TNNI3K: variants seen among roughly 807,000 people sequenced by gnomAD.
The protein encoded by TNNI3K is TNNI3 interacting kinase, also known as serine/threonine-protein kinase TNNI3K.
Under a neutral mutation model 114.5 loss-of-function variants are expected in TNNI3K, and 140 were observed. The observed-to-expected ratio is 1.22, with a 90% CI of 1.07 to 1.41. TNNI3K has a LOEUF of 1.41. Ranked by LOEUF, TNNI3K falls within the 40% of genes most tolerant of loss-of-function variation. The pLI, the probability that TNNI3K is intolerant of heterozygous loss-of-function variation, is 0.00. For synonymous variants in TNNI3K, 347 were observed against 347.5 expected, an observed-to-expected ratio of 1.00 and a Z score of 0.02; for missense variants, 1,125 against 1,007.6, an observed-to-expected ratio of 1.12 and a Z score of -1.58.
chr1:74,333,670 G>T (rs1195826311), intron 6 of TNNI3K, among the ~76,000 whole-genome samples: 1 of 152,184 alleles, frequency 6.6e-6, no homozygotes, highest in African/African-American at 2.4e-5. Flanking sequence ...AAAATATGCT[G>T]ACAAGGAGAA....
chr1:74,338,197 A>T (rs985230176), intron 7 of TNNI3K, among the ~76,000 whole-genome samples: 4 of 151,994 alleles, frequency 2.6e-5, no homozygotes, highest in African/African-American at 9.7e-5. Flanking sequence ...TGAGAATTTC[A>T]GTTGCTTCCC....
intron 5 of TNNI3K, among the ~76,000 whole-genome samples, chr1:74,285,737 T>C (rs190800715): frequency 3.0e-4 from 45 of 152,184 alleles, no homozygotes; most frequent in Non-Finnish European, 5.4e-4. Flanking sequence ...TATTCAAGTG[T>C]TTTAGGAATT....
intron 11 of TNNI3K, among the ~76,000 whole-genome samples, chr1:74,354,887 T>G (rs1215936729): frequency 2.0e-5 from 3 of 152,190 alleles, no homozygotes; most frequent in Non-Finnish European, 4.4e-5. Flanking sequence ...TACTAGTAGC[T>G]CAGAAATAAA....
intron 17 of TNNI3K, among the ~76,000 whole-genome samples, chr1:74,431,675 A>G (rs1665905567): frequency 6.6e-6 from 1 of 152,114 alleles, no homozygotes; most frequent in Non-Finnish European, 1.5e-5. Context: ...AGATCTCCAG[A>G]TTAGTAAATG....
chr1:74,370,319 G>T lies in TNNI3K; in HGVS notation c.1699G>T (p.Ala567Ser), dbSNP rs1426606034. 1.2e-6 allele frequency: 2 copies of T among 1,601,730 alleles called. No homozygotes were observed. The highest frequency in any genetic ancestry group is 2.3e-5 in the East Asian group (1 of 44,378). ...ILDLQSKLIIAVDVAKGMEYL... is the reference protein window; with the variant it reads ...ILDLQSKLIISVDVAKGMEYL... ...TGATTTGCAGTCTAAATTAATTATTGCAGTAGATGTTGCCAAAGGCATGGA... is the reference window on the plus strand; with the variant it reads ...TGATTTGCAGTCTAAATTAATTATTTCAGTAGATGTTGCCAAAGGCATGGA... The change falls in exon 17 of 25, where the codon GCA becomes TCA. Residue 567 changes from alanine to serine, a missense_variant. By Grantham distance (99) the Ala-to-Ser change is moderately conservative. Transcript: ENST00000326637.
intron 23 of TNNI3K, among the ~76,000 whole-genome samples, chr1:74,517,733 C>T (rs1197364123): frequency 1.3e-5 from 2 of 152,138 alleles, no homozygotes; most frequent in Non-Finnish European, 2.9e-5. Context: ...GGATTTGAAA[C>T]TAAGACATCT....
At position 74,389,656 on chromosome 1, in the gene TNNI3K, C is replaced by T. The variant is rs542911403; in HGVS notation, c.1772+19264C>T. ...ATGTAGGCTGGGCAAGATAAAGGAC[C>T]AGGACCATTTTGCTAACCTTAGTAC... On this transcript the variant is annotated intron_variant, in intron 17 of 24. Coordinates refer to ENST00000326637, the MANE Select transcript of TNNI3K (RefSeq NM_015978.3). 3.9e-5 allele frequency among the ~76,000 whole-genome samples: 6 copies of T among 152,232 alleles called. No homozygotes were observed. The South Asian group carries it at 6.2e-4, about 16-fold the overall frequency.
intron 2 of TNNI3K, among the ~76,000 whole-genome samples, chr1:74,247,147 C>T (rs113619650): frequency 0.017 from 2,604 of 152,112 alleles, 35 homozygotes; most frequent in Non-Finnish European, 0.023. Flanking sequence ...ATGGTGTGTC[C>T]GGGGTTTGTT....
chr1:74,402,809 C>T, intron 17 of TNNI3K, among the ~76,000 whole-genome samples: 1 of 152,186 alleles, frequency 6.6e-6, no homozygotes. Context: ...TGGCCCAGGA[C>T]AGCTTTGCTT....
chr1:74,435,629 A>G (rs1042909358), intron 17 of TNNI3K, among the ~76,000 whole-genome samples: 7 of 152,084 alleles, frequency 4.6e-5, no homozygotes, highest in Admixed American at 3.9e-4. Flanking sequence ...CATTTTCCAT[A>G]GAGAATCCTT....
At chr1:74,401,828 T>C in intron 17 of TNNI3K, 1 of 452,448 alleles carries the variant, frequency 2.2e-6, no homozygotes, top group Non-Finnish European at 4.4e-6. Flanking sequence ...TATTTAATTC[T>C]TCAAGCAAAG....
intron 17 of TNNI3K, among the ~76,000 whole-genome samples, 172 bp from the exon 18 acceptor site, chr1:74,435,908 A>G (rs1390262857): frequency 6.6e-6 from 1 of 152,072 alleles, no homozygotes; most frequent in African/African-American, 2.4e-5. Flanking sequence ...CATTTTATAA[A>G]TAGCTGTTTT....
Position 74,480,123 on chromosome 1 carries a change from A to G in TNNI3K, c.2122-9066A>G, listed in dbSNP as rs1308533630. The G allele has an allele frequency of 7.2e-6, 5 of 693,492 alleles. No individual in the cohort carries two copies. The Admixed American group carries it at 8.6e-5, about 12-fold the overall frequency. 43.0% of individuals were successfully genotyped at this position (693,492 alleles called of 1,614,324 possible). A position where few individuals can be genotyped will look rare whatever the true frequency, so the allele number is the denominator to read the frequency against. Reference sequence around the variant, plus strand: ...CAAAAATATGGACAAGAGAAGAGAAAAGAGGAGGGCACACTTCTCCCCGGC... The same window carrying G: ...CAAAAATATGGACAAGAGAAGAGAAGAGAGGAGGGCACACTTCTCCCCGGC... On this transcript the variant is annotated intron_variant, in intron 21 of 24. Coordinates refer to ENST00000326637, the MANE Select transcript of TNNI3K (RefSeq NM_015978.3).
chr1:74,445,612 C>CTTTTT (rs773728606), intron 20 of TNNI3K, among the ~76,000 whole-genome samples: 2 of 131,446 alleles, frequency 1.5e-5, no homozygotes, highest in African/African-American at 3.1e-5. Flanking sequence ...TCTTTTTTTT[C>CTTTTT]TTTTTTTCTT....
intron 5 of TNNI3K, among the ~76,000 whole-genome samples, chr1:74,286,514 C>T (rs1045111428): frequency 6.6e-6 from 1 of 152,102 alleles, no homozygotes; most frequent in Non-Finnish European, 1.5e-5. Flanking sequence ...TACATGAACT[C>T]AGGTACGAGG....
intron 5 of TNNI3K, among the ~76,000 whole-genome samples, chr1:74,311,699 T>C (rs573668708): frequency 5.6e-4 from 86 of 152,334 alleles, no homozygotes; most frequent in Middle Eastern, 3.4e-3. Flanking sequence ...CATTTTATCA[T>C]GTAAATGGGA....
intron 5 of TNNI3K, among the ~76,000 whole-genome samples, chr1:74,286,544 T>C (rs1188898490): frequency 6.6e-6 from 1 of 151,974 alleles, no homozygotes; most frequent in Non-Finnish European, 1.5e-5. Flanking sequence ...ATGGACCCAA[T>C]GTCCAGGCCC....
At chr1:74,304,090 C>A (rs759195011) in intron 5 of TNNI3K, among the ~76,000 whole-genome samples, 105 of 152,254 alleles carry the variant, frequency 6.9e-4, no homozygotes, top group Non-Finnish European at 1.2e-3. Context: ...ATACTGTGAA[C>A]AATGCTGAAT....
At chr1:74,346,860 T>G (rs1330652552) in intron 9 of TNNI3K, among the ~76,000 whole-genome samples, 4 of 151,872 alleles carry the variant, frequency 2.6e-5, no homozygotes, top group African/African-American at 7.3e-5. Flanking sequence ...TCTTGCTGTG[T>G]CTTCACATGG....
Sources: allele counts gnomAD v4.1 joint callset (sites outside exome capture counted in the v4.1 genomes callset), GRCh38; gene constraint gnomAD v4.1.1; transcripts MANE v1.5; gene names NCBI Gene and HGNC (gene_info 2026-07-23, HGNC 2026-07-21).